Variants in VAV3 observed in about 807,000 individuals in gnomAD.
VAV3 encodes guanine nucleotide exchange factor VAV3.
A neutral mutation model predicts 131.2 loss-of-function variants in VAV3; 94 were observed. The observed-to-expected ratio is 0.72, with a 90% confidence interval of 0.61 to 0.85. The LOEUF (loss-of-function observed/expected upper bound fraction) is 0.85. Ranked by LOEUF, VAV3 falls within the 40% of genes least tolerant of loss-of-function variation. The probability of loss-of-function intolerance (pLI) is 0.00; values close to 1 mark genes in which losing one functional copy is unlikely to be tolerated. For synonymous variants in VAV3, 349 were observed against 342.0 expected, an observed-to-expected ratio of 1.02 and a Z score of -0.22; for missense variants, 939 against 1,002.7, an observed-to-expected ratio of 0.94 and a Z score of 0.86.
intron 2 of VAV3, among the ~76,000 whole-genome samples, chr1:107,847,653 T>C (rs1022206756): frequency 6.6e-5 from 10 of 151,820 alleles, no homozygotes; most frequent in Non-Finnish European, 5.9e-5. Context: ...TCTACGCAAA[T>C]AAACTAGAAA....
chr1:107,810,582 AT>A (rs2102329153), intron 2 of VAV3, among the ~76,000 whole-genome samples: 1 of 152,302 alleles, frequency 6.6e-6, no homozygotes, highest in South Asian at 2.1e-4. Flanking sequence ...CTTAGTCATT[AT>A]GTTCTGATGA....
intron 20 of VAV3, among the ~76,000 whole-genome samples, chr1:107,635,473 G>T (rs1421117243): frequency 8.9e-6 from 1 of 112,536 alleles, no homozygotes; most frequent in African/African-American, 3.4e-5. Context: ...CCTGTTGTGG[G>T]GTGGGGGGAG....
chr1:107,736,778 C>A (rs1412131773), intron 15 of VAV3, among the ~76,000 whole-genome samples: 1 of 152,018 alleles, frequency 6.6e-6, no homozygotes, highest in South Asian at 2.1e-4. Flanking sequence ...GGCCATACTG[C>A]CCAAGGTAAT....
intron 2 of VAV3, among the ~76,000 whole-genome samples, chr1:107,873,888 C>T (rs1182208580): frequency 1.3e-5 from 2 of 152,140 alleles, no homozygotes; most frequent in African/African-American, 4.8e-5. Flanking sequence ...GGTAGAGTGG[C>T]TTCCCCATAT....
chr1:107,733,222 C>T (rs185854625), intron 15 of VAV3, among the ~76,000 whole-genome samples: 31 of 152,124 alleles, frequency 2.0e-4, no homozygotes, highest in Non-Finnish European at 1.3e-4. Flanking sequence ...ACACCAAAAC[C>T]CCATTTGTAG....
At chr1:107,770,297 C>G (rs1461001610) in intron 6 of VAV3, among the ~76,000 whole-genome samples, 1 of 151,996 alleles carries the variant, frequency 6.6e-6, no homozygotes, top group Non-Finnish European at 1.5e-5. Context: ...CCCCATCACT[C>G]TCTATCTTAT....
At chr1:107,657,337 G>A (rs1256078547) in intron 19 of VAV3, among the ~76,000 whole-genome samples, 1 of 152,024 alleles carries the variant, frequency 6.6e-6, no homozygotes, top group African/African-American at 2.4e-5. Flanking sequence ...TAGTATAAAG[G>A]GGACTTTATA....
intron 2 of VAV3, among the ~76,000 whole-genome samples, chr1:107,792,483 C>T (rs1165793487): frequency 6.6e-6 from 1 of 152,072 alleles, no homozygotes; most frequent in Non-Finnish European, 1.5e-5. Flanking sequence ...ACTGCAGCTA[C>T]CAGCAACTAT....
chr1:107,682,064 T>C (rs1243489948), intron 19 of VAV3, among the ~76,000 whole-genome samples: 1 of 152,186 alleles, frequency 6.6e-6, no homozygotes, highest in African/African-American at 2.4e-5. Context: ...ACAAAAAAAC[T>C]GTACCTATAC....
At chr1:107,960,508 C>A (rs781032238) in intron 1 of VAV3, among the ~76,000 whole-genome samples, 3 of 151,656 alleles carry the variant, frequency 2.0e-5, no homozygotes, top group Admixed American at 6.6e-5. Context: ...CAGGCCATGT[C>A]ACTCCTCTCC....
intron 19 of VAV3, among the ~76,000 whole-genome samples, chr1:107,671,277 A>G (rs904325867): frequency 6.6e-6 from 1 of 152,204 alleles, no homozygotes; most frequent in Admixed American, 6.5e-5. Flanking sequence ...ACAACGGTTA[A>G]TATCTGGACA....
chr1:107,707,287 G>A (rs1660508983), intron 15 of VAV3, among the ~76,000 whole-genome samples: 1 of 152,154 alleles, frequency 6.6e-6, no homozygotes, highest in Admixed American at 6.5e-5. Context: ...TGAATAAAAA[G>A]CATAGGTAAG....
In VAV3 at chr1:107,779,473, CG is replaced by C; in HGVS notation, c.340del (p.Arg114AspfsTer7). The C allele has an allele frequency of 6.3e-7, 1 of 1,586,926 alleles. No homozygotes were observed. The highest frequency in any genetic ancestry group is 8.6e-7 in the Non-Finnish European group (1 of 1,166,160). On this transcript the variant is annotated frameshift_variant, in exon 3 of 27. Transcript: ENST00000370056. LOFTEE classifies it high-confidence loss of function. ...DFGKVIETLSRLSRTPIALAT... is the reference protein window; with the variant it reads ...DFGKVIETLSXLSRTPIALAT... The stretch of plus-strand genomic sequence containing the variant: ...CAATGCTATAGGTGTTCGAGAAAGT[CG>C]TGATAATGTTTCTATAACCTGAGAA...
Position 107,770,822 on chromosome 1 carries a change from ACTTTC to A in VAV3, c.556-99_556-95del, listed in dbSNP as rs1388449882. The A allele has an allele frequency of 2.9e-6, 3 of 1,017,746 alleles. No individual in the cohort carries two copies. The East Asian group carries it at 7.5e-5, about 25-fold the overall frequency. The allele number at this position is 1,017,746 out of a possible 1,614,324, so 63.0% of individuals were successfully genotyped here. On this transcript the variant is annotated intron_variant, in intron 5 of 26. Coordinates refer to ENST00000370056, the MANE Select transcript of VAV3 (RefSeq NM_006113.5). ...TCAAAAGCATTGCTGACTTTCTTAA[ACTTTC>A]CTTTCTAATACAACACATAATTGAA...
intron 19 of VAV3, among the ~76,000 whole-genome samples, chr1:107,666,690 G>C (rs557805848): frequency 1.3e-5 from 2 of 151,440 alleles, no homozygotes; most frequent in African/African-American, 4.9e-5. Flanking sequence ...CTGCCTCAGC[G>C]TCCTGAGTGG....
At chr1:107,710,175 TGACCAATTACA>T (rs1660703479) in intron 15 of VAV3, among the ~76,000 whole-genome samples, 1 of 152,224 alleles carries the variant, frequency 6.6e-6, no homozygotes, top group African/African-American at 2.4e-5. Flanking sequence ...GTAATGATCA[TGACCAATTACA>T]GAGCAAATAA....
chr1:107,874,926 A>T lies in VAV3; in HGVS notation c.296T>A (p.Leu99Ter). 1 of 1,613,368 alleles carries T rather than the reference A, an allele frequency of 6.2e-7. No individual in the cohort carries two copies. The highest frequency in any genetic ancestry group is 1.1e-5 in the South Asian group (1 of 91,060). Residue 99 changes from leucine to a stop codon, truncating the protein, a stop_gained, in exon 2 of 27, where the codon TTG becomes TAG. Coordinates refer to ENST00000370056, the MANE Select transcript of VAV3 (RefSeq NM_006113.5). LOFTEE classifies it high-confidence loss of function. ...RKSELFEAFDLFDVRDFGKVI... is the reference protein window; with the variant it reads ...RKSELFEAFD The stretch of plus-strand genomic sequence containing the variant: ...CTTTCCAAAGTCACGAACATCAAAC[A>T]AGTCAAATGCCTCGAAAAGTTCACT...
At chr1:107,956,322 T>A (rs916783696) in intron 1 of VAV3, among the ~76,000 whole-genome samples, 1 of 152,184 alleles carries the variant, frequency 6.6e-6, no homozygotes, top group Non-Finnish European at 1.5e-5. Flanking sequence ...AGTCAAAAAG[T>A]AAATGGTCTC....
At chr1:107,574,963 C>CTGTG (rs753834313) in intron 25 of VAV3, among the ~76,000 whole-genome samples, 78 of 81,112 alleles carry the variant, frequency 9.6e-4, no homozygotes, top group Non-Finnish European at 1.2e-3. Flanking sequence ...TTGAGTTTCT[C>CTGTG]TGTGTGTGTG....
Sources: gnomAD v4.1 joint callset for allele counts (sites outside exome capture counted in the v4.1 genomes callset) on GRCh38, gnomAD v4.1.1 for gene constraint, MANE v1.5 for transcripts, NCBI Gene and HGNC (gene_info 2026-07-23, HGNC 2026-07-21) for gene names.